The following GPR158 variants were observed in gnomAD, a reference collection of about 807,000 sequenced individuals.
GPR158 encodes metabotropic glycine receptor.
GPR158 carries 30 observed loss-of-function variants against 78.2 expected under a neutral mutation model. The ratio of observed to expected loss-of-function variants is 0.38; its 90% CI spans 0.29 to 0.52. The LOEUF is 0.52. GPR158 is among the 20% of genes least tolerant of loss of function. The probability of loss-of-function intolerance (pLI) is 0.83; values close to 1 mark genes in which losing one functional copy is unlikely to be tolerated. For synonymous variants in GPR158, 581 were observed against 591.1 expected (o/e 0.98, Z 0.25); for missense variants, 1,463 against 1,523.5 (o/e 0.96, Z 0.66).
chr10:25,517,672 A>G lies in GPR158; in HGVS notation c.1405-33304A>G, dbSNP rs1190119709. Among the ~76,000 whole-genome samples the G allele has an allele frequency of 9.1e-4, 139 of 151,984 alleles. 3 individuals are homozygous for G. The South Asian group carries it at 0.023, about 25-fold the overall frequency. On this transcript the variant is annotated intron_variant, in intron 5 of 10. Coordinates refer to ENST00000376351, the MANE Select transcript of GPR158 (RefSeq NM_020752.3). ...TAGTTCTGTTTATATGCTGGATTAC[A>G]TTTATTGATTTGCGTATATTGAACC...
At chr10:25,314,873 A>ATG (rs1854825935) in intron 2 of GPR158, among the ~76,000 whole-genome samples, 1 of 123,358 alleles carries the variant, frequency 8.1e-6, no homozygotes, top group African/African-American at 3.3e-5. Flanking sequence ...ATATATATAT[A>ATG]TATATATATA....
chr10:25,202,347 A>G (rs921038272), intron 1 of GPR158, among the ~76,000 whole-genome samples: 6 of 151,802 alleles, frequency 4.0e-5, no homozygotes, highest in African/African-American at 1.5e-4. Context: ...TTGGTGTGCT[A>G]CACCCATTAA....
In GPR158 at chr10:25,185,271, C is replaced by T. The variant is rs113353632; in HGVS notation, c.902+8949C>T. On this transcript the variant is annotated intron_variant, in intron 1 of 10. Transcript: ENST00000376351. ...ATCTGTGTGTGCATATATTTATGCT[C>T]ATATAGGCATTTGTCAGATTACATG... 7.0e-3 allele frequency among the ~76,000 whole-genome samples: 1,062 copies of T among 152,124 alleles called. 22 individuals are homozygous for T. The highest frequency in any genetic ancestry group is 0.024 in the African/African-American group (1,005 of 41,502).
intron 2 of GPR158, among the ~76,000 whole-genome samples, chr10:25,265,581 C>G (rs907030456): frequency 4.6e-5 from 7 of 152,126 alleles, no homozygotes; most frequent in African/African-American, 1.4e-4. Context: ...AAAGTAAGAG[C>G]AAGAATGGGA....
intron 4 of GPR158, among the ~76,000 whole-genome samples, chr10:25,423,054 T>C (rs1834772661): frequency 6.6e-6 from 1 of 151,686 alleles, no homozygotes; most frequent in South Asian, 2.1e-4. Flanking sequence ...GGCTCAGTAG[T>C]ATTCCACGGT....
Position 25,599,210 on chromosome 10 carries a change from C to T in GPR158, c.3584C>T (p.Ala1195Val). 6.2e-7 allele frequency: 1 copy of T among 1,612,370 alleles called. No individual in the cohort carries two copies. Among genetic ancestry groups the T allele is most frequent in the Non-Finnish European group, 8.5e-7 (1 of 1,179,796 alleles). ...GRSVALPASSALSANKIAGPR... is the reference protein window; with the variant it reads ...GRSVALPASSVLSANKIAGPR... ...AGTGTAGCTTTACCTGCCTCTTCTG[C>T]TCTAAGTGCAAATAAGATAGCAGGG... The change falls in exon 11 of 11, where the codon GCT becomes GTT. Residue 1195 changes from alanine to valine, a missense_variant. Coordinates refer to ENST00000376351, the MANE Select transcript of GPR158 (RefSeq NM_020752.3).
intron 2 of GPR158, among the ~76,000 whole-genome samples, chr10:25,359,426 A>C (rs532154629): frequency 9.2e-5 from 14 of 152,014 alleles, no homozygotes; most frequent in African/African-American, 3.4e-4. Flanking sequence ...AACCCCTGAC[A>C]GGCCTGAGTA....
chr10:25,409,469 C>G lies in GPR158; in HGVS notation c.1112-2781C>G, dbSNP rs989368222. Among the ~76,000 whole-genome samples, 7 of 152,264 alleles carry G rather than the reference C, an allele frequency of 4.6e-5. No homozygotes were observed. In the East Asian group the frequency reaches 7.7e-4, roughly 17 times the overall value. On this transcript the variant is annotated intron_variant, in intron 3 of 10. Coordinates refer to ENST00000376351, the MANE Select transcript of GPR158 (RefSeq NM_020752.3). ...GCCTTCTTCACTCTCAATATGTATT[C>G]TTATCTGCTTTGTTGAGAAGGATAA...
intron 2 of GPR158, among the ~76,000 whole-genome samples, chr10:25,370,104 T>A (rs1351566011): frequency 7.2e-6 from 1 of 139,734 alleles, no homozygotes; most frequent in Non-Finnish European, 1.6e-5. Flanking sequence ...TTTGTTGATC[T>A]TTTCAAAAAA....
intron 2 of GPR158, among the ~76,000 whole-genome samples, chr10:25,319,294 C>T (rs899569035): frequency 6.6e-6 from 1 of 152,200 alleles, no homozygotes; most frequent in Non-Finnish European, 1.5e-5. Context: ...TGTCATCACA[C>T]TTGTCACAGT....
At chr10:25,470,408 CAAG>C in intron 5 of GPR158, among the ~76,000 whole-genome samples, 1 of 152,040 alleles carries the variant, frequency 6.6e-6, no homozygotes, top group South Asian at 2.1e-4. Flanking sequence ...TTCCACCCAG[CAAG>C]AAGGCCTTCA....
chr10:25,269,953 A>G (rs1011938214), intron 2 of GPR158, among the ~76,000 whole-genome samples: 2 of 152,174 alleles, frequency 1.3e-5, no homozygotes, highest in Non-Finnish European at 2.9e-5. Flanking sequence ...AGAGTCTCAG[A>G]TTCTATAATC....
intron 3 of GPR158, among the ~76,000 whole-genome samples, chr10:25,410,826 T>G (rs1003758405): frequency 2.0e-5 from 3 of 152,126 alleles, no homozygotes; most frequent in African/African-American, 7.2e-5. Flanking sequence ...TATCCACAAT[T>G]ATCAGAGAAA....
intron 3 of GPR158, among the ~76,000 whole-genome samples, chr10:25,405,022 T>G (rs1370824354): frequency 1.3e-5 from 2 of 152,086 alleles, no homozygotes; most frequent in African/African-American, 4.8e-5. Context: ...TTCGAAAGGT[T>G]GAATCTAGAC....
At position 25,531,567 on chromosome 10, in the gene GPR158, TGAG is replaced by T. The variant is rs1357111748; in HGVS notation, c.1405-19407_1405-19405del. On this transcript the variant is annotated intron_variant, in intron 5 of 10. Transcript: ENST00000376351. ...TAAGAAAGTGTCCTCTCGAAAGAGA[TGAG>T]GCAGTGAGTCAGACTGAAACAGGCT... 5.3e-5 allele frequency among the ~76,000 whole-genome samples: 8 copies of T among 152,332 alleles called. No individual in the cohort carries two copies. In the East Asian group the frequency reaches 1.5e-3, roughly 29 times the overall value.
intron 5 of GPR158, among the ~76,000 whole-genome samples, chr10:25,501,275 G>GGA (rs1192225867): frequency 6.6e-6 from 1 of 152,160 alleles, no homozygotes; most frequent in African/African-American, 2.4e-5. Context: ...CTCGGGGCAT[G>GGA]GCGTCCTTCT....
intron 5 of GPR158, among the ~76,000 whole-genome samples, chr10:25,540,085 C>T (rs1446420676): frequency 1.3e-5 from 2 of 151,956 alleles, no homozygotes; most frequent in African/African-American, 2.4e-5. Flanking sequence ...ACAAAGAACT[C>T]AAACAAATTT....
intron 1 of GPR158, among the ~76,000 whole-genome samples, chr10:25,177,829 A>G (rs1208841253): frequency 7.2e-5 from 11 of 152,118 alleles, no homozygotes; most frequent in Non-Finnish European, 2.9e-5. Flanking sequence ...CTGTGTTTCT[A>G]TCTCTTTTAA....
At chr10:25,295,456 C>T (rs889886659) in intron 2 of GPR158, among the ~76,000 whole-genome samples, 3 of 152,194 alleles carry the variant, frequency 2.0e-5, no homozygotes, top group African/African-American at 7.2e-5. Context: ...CTCTGTCACC[C>T]AGGCTGGAGT....
Sources: allele counts gnomAD v4.1 joint callset (sites outside exome capture counted in the v4.1 genomes callset), GRCh38; gene constraint gnomAD v4.1.1; transcripts MANE v1.5; gene names NCBI Gene and HGNC (gene_info 2026-07-23, HGNC 2026-07-21).